The following ABCA9 variants were observed in gnomAD, a reference collection of about 807,000 sequenced individuals.
ABCA9 encodes ATP binding cassette subfamily A member 9, also known as ATP-binding cassette sub-family A member 9.
Under a neutral mutation model 205.3 loss-of-function variants are expected in ABCA9, and 183 were observed. That is an observed-to-expected ratio of 0.89 (90% confidence interval 0.79 to 1.01). The LOEUF (loss-of-function observed/expected upper bound fraction) is 1.01. ABCA9 is among the 50% of genes least tolerant of loss of function. The probability of loss-of-function intolerance (pLI) is 0.00; values close to 1 mark genes in which losing one functional copy is unlikely to be tolerated. For missense variants in ABCA9, 1,805 were observed against 1,912.4 expected (o/e 0.94, Z 1.05); for synonymous variants, 651 against 683.3 (o/e 0.95, Z 0.74).
chr17:69,016,419 T>G, intron 21 of ABCA9, 29 bp from the exon 22 acceptor site: 1 of 1,544,810 alleles, frequency 6.5e-7, no homozygotes, highest in Non-Finnish European at 8.7e-7. Context: ...CAATTCGAAG[T>G]CTTCATAAAG....
At chr17:68,983,567 G>C in intron 36 of ABCA9, 142 bp downstream of exon 36, 1 of 1,183,154 alleles carries the variant, frequency 8.5e-7, no homozygotes, top group Non-Finnish European at 1.2e-6. Flanking sequence ...GTGAGCCCTT[G>C]GAATTGAATT....
At chr17:69,058,095 G>A (rs1567978742) in intron 1 of ABCA9, among the ~76,000 whole-genome samples, 2 of 152,134 alleles carry the variant, frequency 1.3e-5, no homozygotes, top group Non-Finnish European at 2.9e-5. Context: ...CCTAATCTTA[G>A]CTAACAAACC....
intron 31 of ABCA9, among the ~76,000 whole-genome samples, chr17:68,987,754 G>GTTTTTTTTTTTTTTTTTT (rs1441587722): frequency 1.2e-5 from 1 of 85,338 alleles, no homozygotes; most frequent in African/African-American, 3.2e-5. Flanking sequence ...TTGTTTGTTT[G>GTTTTTTTTTTTTTTTTTT]TTTGTTTGTT....
intron 27 of ABCA9, 135 bp downstream of exon 27, chr17:68,992,881 G>A (rs534580314): frequency 3.2e-5 from 20 of 623,366 alleles, no homozygotes; most frequent in Non-Finnish European, 5.4e-5. Flanking sequence ...ACGCATGCAT[G>A]CATGTGCATG....
chr17:69,000,360 C>T (rs2069809540), intron 25 of ABCA9, among the ~76,000 whole-genome samples: 1 of 151,170 alleles, frequency 6.6e-6, no homozygotes, highest in Non-Finnish European at 1.5e-5. Flanking sequence ...GCCAGTTTTC[C>T]CAGCACCATT....
chr17:69,047,342 T>C (rs2071751404), intron 3 of ABCA9, among the ~76,000 whole-genome samples: 1 of 150,954 alleles, frequency 6.6e-6, no homozygotes, highest in Non-Finnish European at 1.5e-5. Flanking sequence ...GTTTGCACAC[T>C]GCTATAAAGA....
intron 19 of ABCA9, among the ~76,000 whole-genome samples, chr17:69,019,182 A>G (rs1432837521): frequency 6.6e-6 from 1 of 151,938 alleles, no homozygotes. Flanking sequence ...TATTGTTCTA[A>G]ATGTTTGTTT....
intron 25 of ABCA9, among the ~76,000 whole-genome samples, chr17:68,996,497 T>C (rs1159340607): frequency 6.6e-6 from 1 of 152,224 alleles, no homozygotes; most frequent in Non-Finnish European, 1.5e-5. Context: ...TAGGTCTTTA[T>C]GTATGGACAC....
At chr17:69,051,601 G>C (rs1045870581) in intron 1 of ABCA9, 1 of 163,080 alleles carries the variant, frequency 6.1e-6, no homozygotes, top group Non-Finnish European at 1.3e-5. Flanking sequence ...GGTCATGAGG[G>C]GACCAGTGCA....
chr17:68,992,531 G>C (rs1161629689), intron 27 of ABCA9: 22 of 256,894 alleles, frequency 8.6e-5, no homozygotes, highest in Non-Finnish European at 7.4e-6. Context: ...TAGGAGTCCA[G>C]GGCCAGGAGC....
At chr17:69,036,871 CAAAAAAAAAAAA>C (rs781565554) in intron 6 of ABCA9, among the ~76,000 whole-genome samples, 1 of 4,708 alleles carries the variant, frequency 2.1e-4, no homozygotes, top group African/African-American at 6.0e-4. Flanking sequence ...AAATGGAAAG[CAAAAAAAAAAAA>C]AAAAAAAAAA....
chr17:68,980,006 A>C lies in ABCA9; in HGVS notation c.4720+2556T>G, dbSNP rs551880187. ...ATCAGAGTGAACAGGCAACCTACAG[A>C]ATGGGAGAAAATTTTTGCAATCTAC... On this transcript the variant is annotated intron_variant, in intron 37 of 38. Coordinates refer to ENST00000340001, the MANE Select transcript of ABCA9 (RefSeq NM_080283.4). 2.4e-3 allele frequency among the ~76,000 whole-genome samples: 360 copies of C among 152,312 alleles called. 1 individual carries two copies. The highest frequency in any genetic ancestry group is 8.2e-3 in the African/African-American group (341 of 41,568).
the ABCA9 span, among the ~76,000 whole-genome samples, chr17:69,074,811 T>C: frequency 6.6e-6 from 1 of 152,208 alleles, no homozygotes; most frequent in African/African-American, 2.4e-5. Context: ...ATGGGATTGC[T>C]GGGTCAAATG....
chr17:69,033,436 G>A, intron 9 of ABCA9: 1 of 199,978 alleles, frequency 5.0e-6, no homozygotes, highest in East Asian at 1.1e-4. Context: ...AGATTTCTAA[G>A]ATCAAGTATC....
At chr17:68,997,780 T>G (rs1165762785) in intron 25 of ABCA9, among the ~76,000 whole-genome samples, 1 of 152,196 alleles carries the variant, frequency 6.6e-6, no homozygotes, top group East Asian at 1.9e-4. Context: ...TTAGAATTGA[T>G]GAGCCTTATT....
chr17:69,073,730 G>C, the ABCA9 span, among the ~76,000 whole-genome samples: 12 of 152,266 alleles, frequency 7.9e-5, no homozygotes, highest in Admixed American at 6.5e-4. Context: ...GCTAGCAGAA[G>C]ACAAGAAATA....
chr17:69,019,451 G>A (rs1219474438), intron 19 of ABCA9, among the ~76,000 whole-genome samples: 2 of 151,958 alleles, frequency 1.3e-5, no homozygotes, highest in Non-Finnish European at 1.5e-5. Context: ...CCCATATTCA[G>A]TACTACTCCC....
At chr17:69,029,480 A>T (rs146579849) in intron 10 of ABCA9, among the ~76,000 whole-genome samples, 1 of 152,308 alleles carries the variant, frequency 6.6e-6, no homozygotes, top group African/African-American at 2.4e-5. Flanking sequence ...AGCTTAGCAC[A>T]CGGAAATATA....
chr17:69,024,517 C>T (rs1462773752), intron 16 of ABCA9, among the ~76,000 whole-genome samples, 164 bp from the exon 17 acceptor site: 2 of 152,046 alleles, frequency 1.3e-5, no homozygotes, highest in African/African-American at 4.8e-5. Flanking sequence ...AAGTCCAAAC[C>T]ATTAAATCTA....
Sources: allele counts gnomAD v4.1 joint callset (sites outside exome capture counted in the v4.1 genomes callset), GRCh38; gene constraint gnomAD v4.1.1; transcripts MANE v1.5; gene names NCBI Gene and HGNC (gene_info 2026-07-23, HGNC 2026-07-21).